The following NDE1 variants were observed in gnomAD, a reference collection of about 807,000 sequenced individuals.
NDE1 encodes the protein nuclear distribution protein nudE homolog 1.
A neutral mutation model predicts 43.4 loss-of-function variants in NDE1; 28 were observed. The ratio of observed to expected loss-of-function variants is 0.65; its 90% CI spans 0.48 to 0.89. The LOEUF (loss-of-function observed/expected upper bound fraction) is 0.89. NDE1 is among the 40% of genes least tolerant of loss of function. The pLI is 0.00. For synonymous variants in NDE1, 184 were observed against 172.0 expected (o/e 1.07, Z -0.55); for missense variants, 441 against 434.1 (o/e 1.02, Z -0.14).
At position 15,708,656 on chromosome 16, in the gene NDE1, C is replaced by G. The variant is rs1401321049; in HGVS notation, c.947+11796C>G. 3.5e-6 allele frequency: 3 copies of G among 845,250 alleles called. No homozygotes were observed. In the East Asian group the frequency reaches 8.0e-5, roughly 22 times the overall value. The allele number at this position is 845,250 out of a possible 1,614,324, so 52.4% of individuals were successfully genotyped here. A position where few individuals can be genotyped will look rare whatever the true frequency, so the allele number is the denominator to read the frequency against. ...GATCTTGGTTTCAATGAAAGCTTTG[C>G]ACAAAGATATCCAAGCCTCCAGATT... On this transcript the variant is annotated intron_variant, in intron 8 of 8. Transcript: ENST00000396354.
upstream of NDE1, among the ~76,000 whole-genome samples, chr16:15,649,980 C>A (rs893662765): frequency 7.2e-5 from 11 of 152,236 alleles, no homozygotes; most frequent in Admixed American, 6.5e-4. Flanking sequence ...GGTGTCCAGG[C>A]AGCGTTCTGC....
At chr16:15,645,607 A>T (rs1480136681), upstream of NDE1, among the ~76,000 whole-genome samples, 1 of 152,260 alleles carries the variant, frequency 6.6e-6, no homozygotes, top group East Asian at 1.9e-4. Context: ...ACCAGGCCTT[A>T]GGAGACAATT....
At chr16:15,694,537 TG>T (rs1343368843) in intron 7 of NDE1, 1 of 799,806 alleles carries the variant, frequency 1.3e-6, no homozygotes, top group East Asian at 1.3e-4. Flanking sequence ...TGTAGTAATG[TG>T]GGTATCGCTG....
intron 6 of NDE1, among the ~76,000 whole-genome samples, chr16:15,693,040 G>A (rs1311155915): frequency 6.7e-6 from 1 of 149,828 alleles, no homozygotes; most frequent in Non-Finnish European, 1.5e-5. Flanking sequence ...TTGCTCTGTC[G>A]GCCAGGCTGG....
upstream of NDE1, among the ~76,000 whole-genome samples, chr16:15,648,918 G>T (rs1021623457): frequency 2.0e-5 from 3 of 152,192 alleles, no homozygotes; most frequent in African/African-American, 7.2e-5. Context: ...TCTTCAGGCA[G>T]TGTGTGGTGG....
intron 8 of NDE1, among the ~76,000 whole-genome samples, chr16:15,705,675 A>G (rs182190179): frequency 1.3e-5 from 2 of 152,242 alleles, no homozygotes; most frequent in East Asian, 1.9e-4. Context: ...TCAGTGACCA[A>G]TTCTTTAGTC....
At chr16:15,644,395 G>A (rs1165172982) in intron 1 of NDE1, among the ~76,000 whole-genome samples, 1 of 152,206 alleles carries the variant, frequency 6.6e-6, no homozygotes, top group East Asian at 1.9e-4. Context: ...TGTAGCTGAA[G>A]AATCCTTTGT....
chr16:15,699,003 G>T (rs1353811715), intron 8 of NDE1, among the ~76,000 whole-genome samples: 2 of 151,908 alleles, frequency 1.3e-5, no homozygotes, highest in African/African-American at 4.8e-5. Flanking sequence ...TCCTGCCTCA[G>T]CCTCCCAAGT....
Position 15,696,289 on chromosome 16 carries a change from T to C in NDE1, c.796-420T>C, listed in dbSNP as rs147121853. Among the ~76,000 whole-genome samples the C allele has an allele frequency of 6.4e-3, 979 of 152,024 alleles. 11 individuals are homozygous for C. The highest frequency in any genetic ancestry group is 0.023 in the African/African-American group (941 of 41,484). On this transcript the variant is annotated intron_variant, in intron 7 of 8. Coordinates refer to ENST00000396354, the MANE Select transcript of NDE1 (RefSeq NM_017668.3). ...GCTCAGGAGGCTGAGGTGGGAGGGA[T>C]TGGTTGAGCCTGGGAGGTTGAGGCT...
intron 2 of NDE1, 51 bp downstream of exon 2, chr16:15,664,912 G>A: frequency 2.2e-6 from 3 of 1,365,230 alleles, no homozygotes; most frequent in Non-Finnish European, 2.1e-6. Context: ...TTGAGATGGG[G>A]TCCTGCTATG....
chr16:15,720,340 C>T (rs1454627420), intron 8 of NDE1: 1 of 1,606,486 alleles, frequency 6.2e-7, no homozygotes, highest in South Asian at 1.1e-5. Context: ...ATGTGTGCTG[C>T]CCCACTTGCC....
At chr16:15,685,447 CTCTA>C (rs565076754) in intron 4 of NDE1, among the ~76,000 whole-genome samples, 182 of 152,132 alleles carry the variant, frequency 1.2e-3, no homozygotes, top group Non-Finnish European at 1.8e-3. Context: ...GACAGGGTCT[CTCTA>C]TATTACCCAG....
chr16:15,694,899 C>T lies in NDE1; in HGVS notation c.795+643C>T, dbSNP rs903787337. 17 of 985,252 alleles carry T rather than the reference C, an allele frequency of 1.7e-5. No homozygotes were observed. The East Asian group carries it at 6.8e-4, about 40-fold the overall frequency. 61.0% of individuals were successfully genotyped at this position (985,252 alleles called of 1,614,324 possible). A position where few individuals can be genotyped will look rare whatever the true frequency, so the allele number is the denominator to read the frequency against. On this transcript the variant is annotated intron_variant, in intron 7 of 8. Coordinates refer to ENST00000396354, the MANE Select transcript of NDE1 (RefSeq NM_017668.3). Reference sequence around the variant, plus strand: ...CTTGGAAACTGCCTTCTCTTTTGGCCGGGTGCTCATACCTGTAATCCCAGT... The same window carrying T: ...CTTGGAAACTGCCTTCTCTTTTGGCTGGGTGCTCATACCTGTAATCCCAGT...
intron 8 of NDE1, among the ~76,000 whole-genome samples, chr16:15,706,141 A>G (rs1240053289): frequency 2.0e-5 from 3 of 152,184 alleles, no homozygotes; most frequent in East Asian, 3.8e-4. Flanking sequence ...TGCAGCGATC[A>G]GGAATAAATA....
At chr16:15,675,206 C>A (rs2037805922) in intron 3 of NDE1, among the ~76,000 whole-genome samples, 1 of 151,704 alleles carries the variant, frequency 6.6e-6, no homozygotes, top group South Asian at 2.1e-4. Flanking sequence ...CCTCCCAGTC[C>A]CCCACCACTG....
At chr16:15,719,423 G>T in intron 8 of NDE1, 2 of 1,473,846 alleles carry the variant, frequency 1.4e-6, no homozygotes, top group Non-Finnish European at 1.9e-6. Context: ...TGAGCTCAGG[G>T]GAGGCCCCGT....
chr16:15,686,022 G>T (rs1341363237), intron 4 of NDE1, among the ~76,000 whole-genome samples: 1 of 151,388 alleles, frequency 6.6e-6, no homozygotes, highest in Non-Finnish European at 1.5e-5. Flanking sequence ...CATGATCTTG[G>T]CTCACTGCAA....
chr16:15,651,479 T>TCGC (rs2036502541), intron 1 of NDE1: 1 of 147,508 alleles, frequency 6.8e-6, no homozygotes, highest in Admixed American at 6.9e-5. Flanking sequence ...AGTCTCACTC[T>TCGC]CGCCCAGGTT....
At chr16:15,680,432 T>G (rs1468058799) in intron 4 of NDE1, among the ~76,000 whole-genome samples, 1 of 152,194 alleles carries the variant, frequency 6.6e-6, no homozygotes, top group African/African-American at 2.4e-5. Flanking sequence ...ATTATTGTTG[T>G]AAACATTTTA....
Sources: allele counts gnomAD v4.1 joint callset (sites outside exome capture counted in the v4.1 genomes callset), GRCh38; gene constraint gnomAD v4.1.1; transcripts MANE v1.5; gene names NCBI Gene and HGNC (gene_info 2026-07-23, HGNC 2026-07-21).